Variants in SAMMSON observed in about 807,000 individuals in gnomAD.
SAMMSON encodes long intergenic non-protein coding RNA 1212.
chr3:70,222,836 T>C (rs970620457), intron 4 of SAMMSON, among the ~76,000 whole-genome samples: 4 of 152,180 alleles, frequency 2.6e-5, no homozygotes, highest in African/African-American at 9.6e-5. Context: ...CATTAGAAGA[T>C]ACTGCTGATG....
intron 4 of SAMMSON, among the ~76,000 whole-genome samples, chr3:70,194,069 C>G (rs1160850794): frequency 6.6e-6 from 1 of 152,164 alleles, no homozygotes; most frequent in Non-Finnish European, 1.5e-5. Flanking sequence ...AACTTCGTAT[C>G]TTCATTGCTT....
intron 4 of SAMMSON, among the ~76,000 whole-genome samples, chr3:70,180,249 A>G (rs1576145692): frequency 6.6e-6 from 1 of 152,192 alleles, no homozygotes; most frequent in East Asian, 1.9e-4. Flanking sequence ...ATATCTTTTT[A>G]TGGGGTTTTG....
At chr3:70,007,458 G>T (rs2066932481) in intron 1 of SAMMSON, among the ~76,000 whole-genome samples, 1 of 152,082 alleles carries the variant, frequency 6.6e-6, no homozygotes, top group South Asian at 2.1e-4. Flanking sequence ...TTTGAGAAGT[G>T]TCTGTTCATA....
intron 4 of SAMMSON, chr3:70,075,103 C>T (rs1168893701): frequency 6.6e-6 from 1 of 151,976 alleles, no homozygotes; most frequent in Non-Finnish European, 1.5e-5. Context: ...AAATTTGATT[C>T]CTGTCTTCAA....
intron 3 of SAMMSON, among the ~76,000 whole-genome samples, chr3:70,053,699 C>T (rs2067155370): frequency 6.6e-6 from 1 of 152,100 alleles, no homozygotes; most frequent in Admixed American, 6.6e-5. Context: ...GAAACAGACC[C>T]TTCCAGGTTT....
chr3:70,019,035 G>A (rs1334439648), intron 3 of SAMMSON, among the ~76,000 whole-genome samples: 1 of 152,206 alleles, frequency 6.6e-6, no homozygotes, highest in African/African-American at 2.4e-5. Flanking sequence ...GTGCGATGTG[G>A]TGCTGAGAAG....
chr3:70,032,283 T>C (rs1247403315), intron 3 of SAMMSON, among the ~76,000 whole-genome samples: 1 of 152,028 alleles, frequency 6.6e-6, no homozygotes, highest in East Asian at 1.9e-4. Context: ...GCAAAAAAAA[T>C]CTTTTAAATT....
intron 9 of SAMMSON, among the ~76,000 whole-genome samples, chr3:70,366,560 A>G (rs1702922136): frequency 7.2e-6 from 1 of 138,078 alleles, no homozygotes; most frequent in South Asian, 2.3e-4. Flanking sequence ...CAGTATGGAT[A>G]CACCACTGTT....
intron 4 of SAMMSON, among the ~76,000 whole-genome samples, chr3:70,185,086 T>C (rs1701082222): frequency 6.6e-6 from 1 of 152,208 alleles, no homozygotes. Flanking sequence ...CTGAGCCCCT[T>C]TCAACATATC....
intron 4 of SAMMSON, among the ~76,000 whole-genome samples, chr3:70,134,377 A>G (rs1260678708): frequency 6.6e-6 from 1 of 151,500 alleles, no homozygotes; most frequent in Admixed American, 6.6e-5. Flanking sequence ...TTTTTTTAAT[A>G]AAAAGTACTC....
rs376845545 is a variant in SAMMSON at position 70,021,824 on chromosome 3, T to G, written n.417+8152T>G. 4.6e-5 allele frequency among the ~76,000 whole-genome samples: 7 copies of G among 152,190 alleles called. No homozygotes were observed. The East Asian group carries it at 1.2e-3, about 25-fold the overall frequency. On this transcript the variant is annotated intron_variant and non_coding_transcript_variant, in intron 3 of 9. Coordinates refer to ENST00000642114, the Ensembl canonical transcript of SAMMSON. Reference sequence around the variant, plus strand: ...TTTTTTTGGAAGCAAAAATCTTGACTTAAAAAAACTAGCTTGCAGCTGAGA... The same window carrying G: ...TTTTTTTGGAAGCAAAAATCTTGACGTAAAAAAACTAGCTTGCAGCTGAGA...
intron 9 of SAMMSON, among the ~76,000 whole-genome samples, chr3:70,368,444 T>C (rs1319162398): frequency 6.6e-6 from 1 of 151,628 alleles, no homozygotes; most frequent in Admixed American, 6.6e-5. Flanking sequence ...GTGAAAAAAA[T>C]TTGTAGATGG....
chr3:70,059,886 C>T (rs1576111453), intron 3 of SAMMSON, among the ~76,000 whole-genome samples: 1 of 152,128 alleles, frequency 6.6e-6, no homozygotes. Flanking sequence ...ACTAAATGTT[C>T]ACTGTTAAGG....
At chr3:70,165,132 A>G (rs1410703039) in intron 4 of SAMMSON, among the ~76,000 whole-genome samples, 4 of 152,034 alleles carry the variant, frequency 2.6e-5, no homozygotes, top group Non-Finnish European at 5.9e-5. Flanking sequence ...AGAATTTACT[A>G]TGAACAATCC....
intron 4 of SAMMSON, chr3:70,206,610 T>G (rs1034175413): frequency 2.5e-6 from 1 of 397,764 alleles, no homozygotes; most frequent in Non-Finnish European, 4.4e-6. Flanking sequence ...AGTTTGGAGG[T>G]AAGAAAATGT....
intron 9 of SAMMSON, among the ~76,000 whole-genome samples, chr3:70,387,668 G>GT (rs1406248585): frequency 6.6e-6 from 1 of 152,024 alleles, no homozygotes; most frequent in East Asian, 1.9e-4. Flanking sequence ...AGGGCAAAAT[G>GT]TAACAATCAG....
At chr3:70,345,545 C>G (rs4588329) in intron 7 of SAMMSON, among the ~76,000 whole-genome samples, 81,883 of 151,996 alleles carry the variant, frequency 0.54, 22,507 homozygotes, top group Admixed American at 0.62. Flanking sequence ...CTGTAAATTT[C>G]TATGGCTTTT....
At chr3:70,256,092 G>C (rs1466011413) in intron 6 of SAMMSON, among the ~76,000 whole-genome samples, 1 of 152,100 alleles carries the variant, frequency 6.6e-6, no homozygotes, top group African/African-American at 2.4e-5. Flanking sequence ...CAGGGTTTTA[G>C]GTAATGGAGC....
intron 3 of SAMMSON, among the ~76,000 whole-genome samples, chr3:70,057,285 T>C (rs1184103124): frequency 6.6e-6 from 1 of 152,076 alleles, no homozygotes; most frequent in Non-Finnish European, 1.5e-5. Flanking sequence ...CCCTTCCCTC[T>C]CTACTTTTGA....
Sources: allele counts gnomAD v4.1 joint callset (sites outside exome capture counted in the v4.1 genomes callset), GRCh38; gene constraint gnomAD v4.1.1; transcripts MANE v1.5; gene names NCBI Gene and HGNC (gene_info 2026-07-23, HGNC 2026-07-21).